The following APBA1 variants were observed in gnomAD, a reference collection of about 807,000 sequenced individuals.
The protein encoded by APBA1 is amyloid beta precursor protein binding family A member 1, also known as amyloid-beta A4 precursor protein-binding family A member 1.
In APBA1, 55 loss-of-function variants were observed where a neutral mutation model predicts 86.6. That is an observed-to-expected ratio of 0.64 (90% confidence interval 0.51 to 0.80). The LOEUF (loss-of-function observed/expected upper bound fraction) is 0.80. Ranked by LOEUF, APBA1 falls within the 30% of genes least tolerant of loss-of-function variation. APBA1 has a pLI of 0.00. For missense variants in APBA1, 1,090 were observed against 1,183.0 expected, an observed-to-expected ratio of 0.92 and a Z score of 1.15; for synonymous variants, 511 against 493.9, an observed-to-expected ratio of 1.03 and a Z score of -0.46.
intron 2 of APBA1, among the ~76,000 whole-genome samples, chr9:69,480,907 T>C (rs1835495252): frequency 1.5e-5 from 2 of 130,410 alleles, no homozygotes; most frequent in East Asian, 2.2e-4. Flanking sequence ...GAAAAGGCCT[T>C]TGACAAAATT....
intron 4 of APBA1, among the ~76,000 whole-genome samples, chr9:69,468,556 AAGAC>A (rs1433759133): frequency 3.3e-5 from 5 of 152,256 alleles, no homozygotes; most frequent in African/African-American, 1.2e-4. Flanking sequence ...TCAATTGTGC[AAGAC>A]AGATAATGTG....
chr9:69,551,905 C>G (rs907094749), intron 1 of APBA1, among the ~76,000 whole-genome samples: 7 of 152,206 alleles, frequency 4.6e-5, no homozygotes, highest in African/African-American at 1.7e-4. Context: ...TTCCATAAAA[C>G]TTTAATGCCT....
At position 69,555,502 on chromosome 9, in the gene APBA1, G is replaced by A. The variant is rs78270375; in HGVS notation, c.-69-38223C>T. 8.0e-3 allele frequency among the ~76,000 whole-genome samples: 1,217 copies of A among 152,080 alleles called. 14 individuals are homozygous for A. Among genetic ancestry groups the A allele is most frequent in the African/African-American group, 0.028 (1,149 of 41,476 alleles). On this transcript the variant is annotated intron_variant, in intron 1 of 12. Transcript: ENST00000265381. ...TGTGCAGTAATTTGTTTAATCATTG[G>A]CAAAATTCAAAGAATGAATCATCTC...
chr9:69,638,914 A>G lies in APBA1; in HGVS notation c.-70+33239T>C, dbSNP rs1384653425. Among the ~76,000 whole-genome samples, 3 of 152,208 alleles carry G rather than the reference A, an allele frequency of 2.0e-5. No homozygotes were observed. The East Asian group carries it at 5.8e-4, about 29-fold the overall frequency. ...AATTTTGAAAACTAAAAATTAAAAA[A>G]TATAAATCCATGAAGTCACATGAAA... On this transcript the variant is annotated intron_variant, in intron 1 of 12. Transcript: ENST00000265381.
At chr9:69,556,393 T>G (rs1836860654) in intron 1 of APBA1, among the ~76,000 whole-genome samples, 1 of 152,108 alleles carries the variant, frequency 6.6e-6, no homozygotes, top group Non-Finnish European at 1.5e-5. Flanking sequence ...TGGACACACC[T>G]AGACTGGAGG....
intron 1 of APBA1, among the ~76,000 whole-genome samples, chr9:69,596,338 C>T (rs1822229079): frequency 6.6e-6 from 1 of 152,168 alleles, no homozygotes; most frequent in African/African-American, 2.4e-5. Flanking sequence ...CTTTTACCCA[C>T]TGATATGGAA....
chr9:69,556,232 G>C (rs1836857832), intron 1 of APBA1, among the ~76,000 whole-genome samples: 1 of 152,126 alleles, frequency 6.6e-6, no homozygotes, highest in Non-Finnish European at 1.5e-5. Flanking sequence ...ATATCAAGTG[G>C]AAAATATCGA....
At chr9:69,549,498 A>G (rs1175520441) in intron 1 of APBA1, among the ~76,000 whole-genome samples, 4 of 152,180 alleles carry the variant, frequency 2.6e-5, no homozygotes, top group Non-Finnish European at 5.9e-5. Context: ...CTTCGATCCT[A>G]TGAGTCACCA....
intron 1 of APBA1, among the ~76,000 whole-genome samples, chr9:69,656,277 A>G (rs78477262): frequency 0.028 from 4,317 of 152,326 alleles, 84 homozygotes; most frequent in Non-Finnish European, 0.042. Flanking sequence ...TCCTGAGTAT[A>G]TACCCTACAG....
chr9:69,546,623 T>C (rs1178538948), intron 1 of APBA1, among the ~76,000 whole-genome samples: 16 of 152,174 alleles, frequency 1.1e-4, no homozygotes, highest in Admixed American at 1.0e-3. Flanking sequence ...GAGAGATACT[T>C]TGCAAAGATT....
chr9:69,502,817 T>C (rs181054782), intron 2 of APBA1, among the ~76,000 whole-genome samples: 40 of 152,290 alleles, frequency 2.6e-4, no homozygotes, highest in African/African-American at 9.1e-4. Flanking sequence ...CAGTTAGTAT[T>C]CCTGCTGCTA....
intron 1 of APBA1, among the ~76,000 whole-genome samples, chr9:69,552,471 AC>A (rs1221750232): frequency 6.6e-6 from 1 of 152,136 alleles, no homozygotes; most frequent in African/African-American, 2.4e-5. Flanking sequence ...TTCCCCCACT[AC>A]CCCCATGGAG....
rs1834590629 is a variant in APBA1, at chr9:69,431,366, G to A, written c.2475C>T (p.Tyr825=). 1 of 1,613,244 alleles carries A rather than the reference G, an allele frequency of 6.2e-7. No homozygotes were observed. The highest frequency in any genetic ancestry group is 1.3e-5 in the African/African-American group (1 of 75,000). Residue 825 remains tyrosine, a synonymous_variant, in exon 13 of 13, where the codon TAC becomes TAT. Transcript: ENST00000265381. ...GCTGCTCCTGGGCCGTCAGCAGCCTGTACATCGCGGCTGGCATTGTCTTCA... is the reference window on the plus strand; with the variant it reads ...GCTGCTCCTGGGCCGTCAGCAGCCTATACATCGCGGCTGGCATTGTCTTCA... ...IHMKTMPAAM[Y]RLLTAQEQPV... is the part of the protein sequence containing the mutation.
At chr9:69,636,927 GAAAGAAAGAAAGAAAGAAAGAAA>G (rs1823185222) in intron 1 of APBA1, among the ~76,000 whole-genome samples, 1 of 120,588 alleles carries the variant, frequency 8.3e-6, no homozygotes, top group Non-Finnish European at 1.8e-5. Flanking sequence ...AGGAAGGAAA[GAAAGAAAGAAAGAAAGAAAGAAA>G]GAAAGAAAGA....
chr9:69,663,808 T>G (rs576027043), intron 1 of APBA1, among the ~76,000 whole-genome samples: 1 of 152,164 alleles, frequency 6.6e-6, no homozygotes, highest in Admixed American at 6.6e-5. Flanking sequence ...CCTCCTGTGA[T>G]CACTTTACAT....
At chr9:69,544,182 A>C (rs945809295) in intron 1 of APBA1, among the ~76,000 whole-genome samples, 30 of 152,250 alleles carry the variant, frequency 2.0e-4, no homozygotes, top group Non-Finnish European at 2.8e-4. Context: ...CAGTACCTGC[A>C]TATGTAAGGT....
At chr9:69,533,963 T>C (rs565329473) in intron 1 of APBA1, among the ~76,000 whole-genome samples, 69 of 152,154 alleles carry the variant, frequency 4.5e-4, no homozygotes, top group Non-Finnish European at 9.1e-4. Flanking sequence ...ATAATCCCAA[T>C]GGATTCATTT....
intron 1 of APBA1, among the ~76,000 whole-genome samples, chr9:69,623,319 G>A (rs1016936414): frequency 1.3e-5 from 2 of 151,716 alleles, no homozygotes; most frequent in Non-Finnish European, 2.9e-5. Flanking sequence ...ATTCCCAAAT[G>A]GTGCCTCCTC....
intron 1 of APBA1, among the ~76,000 whole-genome samples, chr9:69,553,237 A>G (rs553216565): frequency 6.6e-6 from 1 of 152,298 alleles, no homozygotes; most frequent in African/African-American, 2.4e-5. Flanking sequence ...AGATACCATA[A>G]ATGCACAGAT....
Sources: allele counts gnomAD v4.1 joint callset (sites outside exome capture counted in the v4.1 genomes callset), GRCh38; gene constraint gnomAD v4.1.1; transcripts MANE v1.5; gene names NCBI Gene and HGNC (gene_info 2026-07-23, HGNC 2026-07-21).